The following IL23R variants were observed in gnomAD, a reference collection of about 807,000 sequenced individuals.
IL23R encodes interleukin-23 receptor.
IL23R carries 34 observed loss-of-function variants against 56.9 expected under a neutral mutation model. The ratio of observed to expected loss-of-function variants is 0.60; its 90% CI spans 0.45 to 0.80. IL23R has a LOEUF of 0.80. Ranked by LOEUF, IL23R falls within the 30% of genes least tolerant of loss-of-function variation. IL23R has a pLI of 0.00. For synonymous variants in IL23R, 230 were observed against 249.2 expected (o/e 0.92, Z 0.73); for missense variants, 635 against 730.0 (o/e 0.87, Z 1.50).
chr1:67,141,925 G>GT (rs1413750614), intron 1 of IL23R, among the ~76,000 whole-genome samples: 1 of 152,206 alleles, frequency 6.6e-6, no homozygotes, highest in Non-Finnish European at 1.5e-5. Context: ...GCGTATTACA[G>GT]AAGGGAGAAA....
chr1:67,167,588 A>G (rs1337508632), intron 1 of IL23R, among the ~76,000 whole-genome samples: 1 of 152,076 alleles, frequency 6.6e-6, no homozygotes, highest in Non-Finnish European at 1.5e-5. Flanking sequence ...CCCAGGCACC[A>G]TGGTTCATGC....
chr1:67,159,460 C>T (rs1247148090), intron 1 of IL23R, among the ~76,000 whole-genome samples: 1 of 152,142 alleles, frequency 6.6e-6, no homozygotes, highest in Non-Finnish European at 1.5e-5. Context: ...TCAATTAAAC[C>T]TCTGCAATTA....
intron 1 of IL23R, among the ~76,000 whole-genome samples, chr1:67,155,898 T>C (rs183882146): frequency 6.6e-6 from 1 of 152,324 alleles, no homozygotes; most frequent in Non-Finnish European, 1.5e-5. Flanking sequence ...GTCAGTGTTT[T>C]TGCACAGGTT....
chr1:67,229,237 T>C (rs1370169263), intron 7 of IL23R, among the ~76,000 whole-genome samples: 1 of 152,192 alleles, frequency 6.6e-6, no homozygotes, highest in Non-Finnish European at 1.5e-5. Flanking sequence ...TTTTTCAGAT[T>C]TGATCAATTT....
At chr1:67,140,370 C>T (rs1189281348) in intron 1 of IL23R, among the ~76,000 whole-genome samples, 1 of 152,102 alleles carries the variant, frequency 6.6e-6, no homozygotes, top group African/African-American at 2.4e-5. Flanking sequence ...TTGCAAATCA[C>T]TAAGGACAAA....
chr1:67,198,343 A>T (rs973204483), intron 4 of IL23R, among the ~76,000 whole-genome samples: 1 of 152,224 alleles, frequency 6.6e-6, no homozygotes, highest in Non-Finnish European at 1.5e-5. Flanking sequence ...ACATCATGTG[A>T]TTATTTAGGG....
chr1:67,258,427 T>G (rs1184934324), intron 10 of IL23R, 51 bp from the exon 11 acceptor site: 3 of 1,403,204 alleles, frequency 2.1e-6, no homozygotes, highest in Non-Finnish European at 3.0e-6. Context: ...ATTATCCAGT[T>G]GGTTCTTTTA....
At chr1:67,204,184 C>G (rs1329172780) in intron 5 of IL23R, among the ~76,000 whole-genome samples, 2 of 152,208 alleles carry the variant, frequency 1.3e-5, no homozygotes, top group African/African-American at 2.4e-5. Context: ...CTGCCTCAGC[C>G]TCCCGAGTAG....
chr1:67,148,271 G>A (rs1402074096), intron 1 of IL23R, among the ~76,000 whole-genome samples: 1 of 152,258 alleles, frequency 6.6e-6, no homozygotes, highest in African/African-American at 2.4e-5. Flanking sequence ...CTCAGCTCCA[G>A]CCAGAACAAA....
chr1:67,179,529 T>C (rs527730969), intron 3 of IL23R, among the ~76,000 whole-genome samples: 151 of 152,314 alleles, frequency 9.9e-4, no homozygotes, highest in Admixed American at 1.2e-3. Flanking sequence ...TTAGTCTTGC[T>C]AGTGGTCTAT....
At chr1:67,236,222 G>T (rs1651462993) in intron 7 of IL23R, among the ~76,000 whole-genome samples, 1 of 152,208 alleles carries the variant, frequency 6.6e-6, no homozygotes, top group Non-Finnish European at 1.5e-5. Flanking sequence ...ACACCAAAGT[G>T]CCTGCTAACC....
chr1:67,247,305 A>G (rs960559408), intron 9 of IL23R, among the ~76,000 whole-genome samples: 1 of 145,018 alleles, frequency 6.9e-6, no homozygotes, highest in Non-Finnish European at 1.5e-5. Context: ...TAGCCCATTT[A>G]CTTTTTTTTT....
upstream of IL23R, among the ~76,000 whole-genome samples, chr1:67,164,185 A>C (rs1486605714): frequency 6.6e-6 from 1 of 152,214 alleles, no homozygotes; most frequent in Non-Finnish European, 1.5e-5. Context: ...AATAAAGGCC[A>C]GAAAATCTGA....
chr1:67,230,863 C>T (rs565539098), intron 7 of IL23R, among the ~76,000 whole-genome samples: 2 of 152,214 alleles, frequency 1.3e-5, no homozygotes, highest in African/African-American at 4.8e-5. Flanking sequence ...ACCCTTGGCC[C>T]GATAATGTTG....
intron 6 of IL23R, among the ~76,000 whole-genome samples, chr1:67,213,240 C>G (rs1649618310): frequency 6.6e-6 from 1 of 152,146 alleles, no homozygotes; most frequent in African/African-American, 2.4e-5. Flanking sequence ...AAGATAAGCC[C>G]TTATATCATG....
chr1:67,241,091 T>C (rs1651822331), intron 9 of IL23R, among the ~76,000 whole-genome samples: 2 of 152,266 alleles, frequency 1.3e-5, no homozygotes, highest in Admixed American at 6.5e-5. Context: ...TATAGAAGTA[T>C]GGAGTCCTTC....
intron 2 of IL23R, among the ~76,000 whole-genome samples, chr1:67,168,394 C>T (rs1163763809): frequency 2.6e-5 from 4 of 152,184 alleles, no homozygotes; most frequent in Non-Finnish European, 5.9e-5. Context: ...TCAAATTTCC[C>T]TTCTAGACAG....
chr1:67,190,495 A>C (rs1417715565), intron 4 of IL23R, among the ~76,000 whole-genome samples: 1 of 151,600 alleles, frequency 6.6e-6, no homozygotes, highest in African/African-American at 2.4e-5. Flanking sequence ...CTGTAGTCCC[A>C]CTATCTTCAG....
At chr1:67,208,442 C>T (rs955488916) in intron 6 of IL23R, among the ~76,000 whole-genome samples, 2 of 152,198 alleles carry the variant, frequency 1.3e-5, no homozygotes, top group African/African-American at 4.8e-5. Flanking sequence ...GTTTCATGGG[C>T]TGGGACCAGG....
Sources: gnomAD v4.1 joint callset for allele counts (sites outside exome capture counted in the v4.1 genomes callset) on GRCh38, gnomAD v4.1.1 for gene constraint, MANE v1.5 for transcripts, NCBI Gene and HGNC (gene_info 2026-07-23, HGNC 2026-07-21) for gene names.